The following UST variants were observed in gnomAD, a reference collection of about 807,000 sequenced individuals.
UST encodes chondroitin sulfate 2-O-sulfotransferase.
Under a neutral mutation model 45.6 loss-of-function variants are expected in UST, and 21 were observed. The ratio of observed to expected loss-of-function variants is 0.46; its 90% confidence interval spans 0.33 to 0.66. The LOEUF (loss-of-function observed/expected upper bound fraction) is 0.66, where lower values mean the gene tolerates loss of function less well. Among genes scored for constraint, UST ranks in the 30% least tolerant of loss-of-function variants. The probability of loss-of-function intolerance (pLI) is 0.02; values close to 1 mark genes in which losing one functional copy is unlikely to be tolerated. For missense variants in UST, 463 were observed against 512.4 expected, an observed-to-expected ratio of 0.90 and a Z score of 0.93; for synonymous variants, 215 against 200.6, an observed-to-expected ratio of 1.07 and a Z score of -0.61.
chr6:148,927,439 CA>C (rs142613513), intron 2 of UST, among the ~76,000 whole-genome samples: 4,109 of 152,170 alleles, frequency 0.027, 144 homozygotes, highest in East Asian at 0.13. Context: ...TCTCATTTTC[CA>C]TGAGAAGAAA....
At chr6:149,045,419 G>T (rs1170820522) in intron 7 of UST, among the ~76,000 whole-genome samples, 1 of 152,206 alleles carries the variant, frequency 6.6e-6, no homozygotes, top group Non-Finnish European at 1.5e-5. Flanking sequence ...TGGTGCAAAA[G>T]TAATTGTGGT....
intron 1 of UST, among the ~76,000 whole-genome samples, chr6:148,825,539 C>T (rs1280749668): frequency 6.6e-6 from 1 of 152,200 alleles, no homozygotes; most frequent in East Asian, 1.9e-4. Context: ...TCTGTACTTT[C>T]CTGAGTCTCA....
At chr6:148,754,581 ACCTCAGTTGCCTATTTTTG>A (rs1471211274) in intron 1 of UST, among the ~76,000 whole-genome samples, 1 of 152,036 alleles carries the variant, frequency 6.6e-6, no homozygotes, top group Non-Finnish European at 1.5e-5. Flanking sequence ...TTCCTGAGTT[ACCTCAGTTGCCTATTTTTG>A]AATTGGGTTG....
chr6:148,879,420 A>T (rs1191645414), intron 1 of UST, among the ~76,000 whole-genome samples: 4 of 152,264 alleles, frequency 2.6e-5, no homozygotes, highest in African/African-American at 9.6e-5. Flanking sequence ...ATTATGAAGT[A>T]CATGAATTTG....
chr6:149,016,332 C>T (rs529909071), intron 5 of UST, among the ~76,000 whole-genome samples: 9 of 152,340 alleles, frequency 5.9e-5, no homozygotes, highest in East Asian at 3.9e-4. Flanking sequence ...GTGCCTCCTC[C>T]GCCCTCCCCT....
rs202219012 is a variant in UST at position 148,964,367 on chromosome 6, G to A, written c.528-43G>A. The A allele has an allele frequency of 2.4e-4, 390 of 1,608,358 alleles. 2 individuals are homozygous for A. Among genetic ancestry groups the A allele is most frequent in the Non-Finnish European group, 2.0e-4 (239 of 1,175,722 alleles). ...TGTTGTCTAAGTAGGCCCTGTTTTC[G>A]TCCTGCAGTGATGGGTTGTAACGAA... On this transcript the variant is annotated intron_variant, in intron 4 of 7. Transcript: ENST00000367463.
At chr6:148,989,973 T>G (rs1009322469) in intron 5 of UST, among the ~76,000 whole-genome samples, 30 of 152,208 alleles carry the variant, frequency 2.0e-4, no homozygotes, top group Non-Finnish European at 3.8e-4. Context: ...AACATTGGCC[T>G]CTTTGTGGAG....
chr6:148,853,536 C>T (rs543782876), intron 1 of UST, among the ~76,000 whole-genome samples: 1 of 152,210 alleles, frequency 6.6e-6, no homozygotes, highest in South Asian at 2.1e-4. Flanking sequence ...GGAATTGTCA[C>T]ACCGTCTTCC....
At chr6:148,946,510 C>CAAAAAAAAAAAAAAAAAAAAAAA (rs71007930) in intron 3 of UST, among the ~76,000 whole-genome samples, 2 of 33,944 alleles carry the variant, frequency 5.9e-5, no homozygotes, top group African/African-American at 2.2e-4. Context: ...GACTCCATCT[C>CAAAAAAAAAAAAAAAAAAAAAAA]AAAAAAAAAA....
At chr6:148,991,617 A>G (rs774711005) in intron 5 of UST, among the ~76,000 whole-genome samples, 11 of 150,510 alleles carry the variant, frequency 7.3e-5, no homozygotes, top group Middle Eastern at 3.2e-3. Flanking sequence ...TTTTATATCA[A>G]CTGTTACTGG....
At chr6:148,805,538 A>G (rs972349073) in intron 1 of UST, among the ~76,000 whole-genome samples, 2 of 152,206 alleles carry the variant, frequency 1.3e-5, no homozygotes, top group African/African-American at 4.8e-5. Context: ...GTAAAAGGTC[A>G]TTTGATTATA....
intron 1 of UST, among the ~76,000 whole-genome samples, chr6:148,832,384 A>AT (rs1001910501): frequency 1.3e-5 from 2 of 152,088 alleles, no homozygotes; most frequent in South Asian, 2.1e-4. Context: ...GTGCATATTA[A>AT]TTTTTTTTAA....
At chr6:148,752,606 T>C (rs1776010625) in intron 1 of UST, among the ~76,000 whole-genome samples, 1 of 152,242 alleles carries the variant, frequency 6.6e-6, no homozygotes, top group Admixed American at 6.5e-5. Context: ...AGAACACATA[T>C]AAATGTGGAT....
intron 1 of UST, among the ~76,000 whole-genome samples, chr6:148,829,346 G>A (rs971099273): frequency 6.6e-6 from 1 of 152,160 alleles, no homozygotes; most frequent in Non-Finnish European, 1.5e-5. Context: ...ATGTGAGCAG[G>A]CACCCTCTGC....
At chr6:148,816,693 T>A (rs971949792) in intron 1 of UST, among the ~76,000 whole-genome samples, 3 of 152,206 alleles carry the variant, frequency 2.0e-5, no homozygotes, top group Admixed American at 2.0e-4. Flanking sequence ...TACTTACATA[T>A]AAGAAAACCA....
At chr6:148,824,843 C>T (rs1777539299) in intron 1 of UST, among the ~76,000 whole-genome samples, 2 of 125,426 alleles carry the variant, frequency 1.6e-5, no homozygotes, top group South Asian at 6.2e-4. Context: ...CCCGACCCCA[C>T]CACAGTCCCC....
At chr6:148,944,689 G>C (rs1211182374) in intron 3 of UST, among the ~76,000 whole-genome samples, 2 of 152,196 alleles carry the variant, frequency 1.3e-5, no homozygotes, top group African/African-American at 4.8e-5. Context: ...AAATACCTTT[G>C]AAGTTCATAT....
chr6:148,925,050 T>G (rs1348633706), intron 2 of UST, among the ~76,000 whole-genome samples: 2 of 152,210 alleles, frequency 1.3e-5, no homozygotes, highest in Non-Finnish European at 1.5e-5. Context: ...GAGCTTTCAC[T>G]GACGTTTGAT....
chr6:148,811,409 A>T (rs943527824), intron 1 of UST, among the ~76,000 whole-genome samples: 12 of 152,234 alleles, frequency 7.9e-5, no homozygotes, highest in African/African-American at 2.9e-4. Flanking sequence ...CAGATTCAAA[A>T]AATGAGGAAA....
Sources: gnomAD v4.1 joint callset for allele counts (sites outside exome capture counted in the v4.1 genomes callset) on GRCh38, gnomAD v4.1.1 for gene constraint, MANE v1.5 for transcripts, NCBI Gene and HGNC (gene_info 2026-07-23, HGNC 2026-07-21) for gene names.